OCLN: variants seen among roughly 807,000 people sequenced by gnomAD.
OCLN encodes occludin, also known as phosphatase 1, regulatory subunit 115.
In OCLN, 21 loss-of-function variants were observed where a neutral mutation model predicts 47.9. The observed-to-expected ratio is 0.44, with a 90% CI of 0.31 to 0.63. The LOEUF (loss-of-function observed/expected upper bound fraction) is 0.63, where lower values mean the gene tolerates loss of function less well. OCLN is among the 30% of genes least tolerant of loss of function. The pLI, the probability that OCLN is intolerant of heterozygous loss-of-function variation, is 0.08. For synonymous variants in OCLN, 117 were observed against 198.4 expected, an observed-to-expected ratio of 0.59 and a Z score of 3.45; for missense variants, 360 against 571.0, an observed-to-expected ratio of 0.63 and a Z score of 3.77.
intron 1 of OCLN, among the ~76,000 whole-genome samples, chr5:69,502,021 A>C (rs1272125639): frequency 6.6e-6 from 1 of 152,268 alleles, no homozygotes. Flanking sequence ...AACATGGTGA[A>C]ACCCCATCTT....
chr5:69,536,969 AAAAC>A (rs1160376771), intron 5 of OCLN, among the ~76,000 whole-genome samples: 144 of 147,532 alleles, frequency 9.8e-4, no homozygotes, highest in African/African-American at 3.3e-3. Context: ...CTCCGTCTCA[AAAAC>A]AAACAAACAA....
chr5:69,552,337 A>AT (rs1166737188), intron 8 of OCLN, among the ~76,000 whole-genome samples: 111 of 10,444 alleles, frequency 0.011, 8 homozygotes, highest in South Asian at 0.027. Context: ...TGGTTCATTA[A>AT]TTTTTTTTTT....
chr5:69,509,473 A>C lies in OCLN; in HGVS notation c.383A>C (p.Tyr128Ser), dbSNP rs1440248479. 6.2e-7 allele frequency: 1 copy of C among 1,614,222 alleles called. No individual in the cohort carries two copies. The highest frequency in any genetic ancestry group is 1.7e-5 in the Admixed American group (1 of 60,018). The change falls in exon 3 of 9, where the codon TAC becomes TCC. Residue 128 changes from tyrosine (Y) to serine (S), a missense_variant. Around this residue, in one of 3 missense-constraint regions of OCLN, gnomAD observed 314 missense variants for 368.1 expected, o/e 0.85. Coordinates refer to ENST00000396442, the MANE Select transcript of OCLN (RefSeq NM_001205254.2). ...YGYGYGYGYG[Y>S]GGYTDPRAAK... ...TATGGCTATGGTTATGGCTATGGCT[A>C]CGGAGGCTATACAGACCCAAGAGCA...
At position 69,532,904 on chromosome 5, in the gene OCLN, G is replaced by T. The variant is rs1270704935; in HGVS notation, c.892-1790G>T. On this transcript the variant is annotated intron_variant, in intron 4 of 8. Transcript: ENST00000396442. ...AATCACTTGAACCCAGGAGGCGGAGGTTACAGTGAGCCGAGATCGCACCAC... is the reference window on the plus strand; with the variant it reads ...AATCACTTGAACCCAGGAGGCGGAGTTTACAGTGAGCCGAGATCGCACCAC... Among the ~76,000 whole-genome samples, 3 of 151,596 alleles carry T rather than the reference G, an allele frequency of 2.0e-5. No homozygotes were observed. The East Asian group carries it at 5.8e-4, about 29-fold the overall frequency.
At chr5:69,517,310 A>T (rs1179631308) in intron 4 of OCLN, among the ~76,000 whole-genome samples, 1 of 112,796 alleles carries the variant, frequency 8.9e-6, no homozygotes, top group Non-Finnish European at 1.9e-5. Context: ...ATATATATAT[A>T]TATATTTTTT....
intron 4 of OCLN, among the ~76,000 whole-genome samples, chr5:69,516,651 A>C (rs1768980726): frequency 6.6e-6 from 1 of 152,194 alleles, no homozygotes; most frequent in Non-Finnish European, 1.5e-5. Context: ...TTTCCTTTTA[A>C]AAATATATAC....
Position 69,493,191 on chromosome 5 carries a change from G to A in OCLN, c.-69+291G>A, listed in dbSNP as rs944868605. ...AGCTAGCAGTGCCTCAGCGGCGCGG[G>A]CAACTTTTCACTTTTATGGGGCACG... On this transcript the variant is annotated intron_variant, in intron 1 of 8. Coordinates refer to ENST00000396442, the MANE Select transcript of OCLN (RefSeq NM_001205254.2). The surrounding 1 kb of genome is among the most constrained non-coding windows in gnomAD (Gnocchi z 5.3). Among the ~76,000 whole-genome samples the A allele has an allele frequency of 6.6e-6, 1 of 152,156 alleles. No individual in the cohort carries two copies. Among genetic ancestry groups the A allele is most frequent in the African/African-American group, 2.4e-5 (1 of 41,434 alleles).
intron 4 of OCLN, among the ~76,000 whole-genome samples, chr5:69,519,863 T>C (rs764216637): frequency 6.6e-6 from 1 of 152,246 alleles, no homozygotes; most frequent in Non-Finnish European, 1.5e-5. Flanking sequence ...CCGCCAATAC[T>C]GTTTTCCATC....
At chr5:69,511,156 G>A (rs1768773301) in intron 3 of OCLN, among the ~76,000 whole-genome samples, 1 of 151,378 alleles carries the variant, frequency 6.6e-6, no homozygotes, top group South Asian at 2.1e-4. Flanking sequence ...CTCACTGTGA[G>A]CTACGCCTCC....
chr5:69,514,223 G>T (rs997492792), intron 4 of OCLN, 114 bp downstream of exon 4: 10 of 968,902 alleles, frequency 1.0e-5, no homozygotes, highest in Admixed American at 6.0e-5. Flanking sequence ...ATGTTGCAAA[G>T]GTTGTTGCAT....
At chr5:69,508,403 C>A (rs551171727) in intron 2 of OCLN, among the ~76,000 whole-genome samples, 1 of 151,690 alleles carries the variant, frequency 6.6e-6, no homozygotes. Context: ...TGCAATGGCA[C>A]GATCTCGGCT....
chr5:69,497,318 G>A (rs956877270), intron 1 of OCLN, among the ~76,000 whole-genome samples: 3 of 150,770 alleles, frequency 2.0e-5, no homozygotes, highest in Non-Finnish European at 2.9e-5. Flanking sequence ...TTCTTCTGAC[G>A]TTAAGTTCTC....
At chr5:69,504,369 T>C (rs1159746946) in intron 2 of OCLN, 75 bp downstream of exon 2, 2 of 899,348 alleles carry the variant, frequency 2.2e-6, no homozygotes, top group Non-Finnish European at 1.8e-6. Context: ...GTTGAAACTT[T>C]AAGTGTTTGC....
intron 4 of OCLN, among the ~76,000 whole-genome samples, chr5:69,532,899 C>T (rs868058831): frequency 3.4e-4 from 51 of 151,178 alleles, no homozygotes; most frequent in African/African-American, 1.1e-3. Flanking sequence ...ACCCAGGAGG[C>T]GGAGGTTACA....
At chr5:69,522,734 T>G (rs186717263) in intron 4 of OCLN, among the ~76,000 whole-genome samples, 2 of 151,912 alleles carry the variant, frequency 1.3e-5, no homozygotes, top group African/African-American at 2.4e-5. Context: ...CCCTTTTATT[T>G]TTTTTTTTCT....
intron 1 of OCLN, among the ~76,000 whole-genome samples, chr5:69,494,614 C>T (rs1768241531): frequency 6.6e-6 from 1 of 152,138 alleles, no homozygotes; most frequent in Admixed American, 6.5e-5. Context: ...TTATTAGGGG[C>T]CTCCTTTGTT....
intron 1 of OCLN, among the ~76,000 whole-genome samples, chr5:69,498,752 C>T (rs111630623): frequency 8.6e-5 from 13 of 151,848 alleles, no homozygotes; most frequent in Admixed American, 2.6e-4. Context: ...CAATTTTGGC[C>T]CACTGCAAAC....
chr5:69,493,320 G>A lies in OCLN; in HGVS notation c.-69+420G>A, dbSNP rs1206696090. 6.6e-6 allele frequency among the ~76,000 whole-genome samples: 1 copy of A among 152,118 alleles called. No homozygotes were observed. The highest frequency in any genetic ancestry group is 6.5e-5 in the Admixed American group (1 of 15,272). ...GCGCCCAGCTCCTTGGGGGTCCTAA[G>A]CCTGAGGCTGCAGCGAGGCGGCTGT... On this transcript the variant is annotated intron_variant, in intron 1 of 8. Coordinates refer to ENST00000396442, the MANE Select transcript of OCLN (RefSeq NM_001205254.2). The surrounding 1 kb of genome is among the most constrained non-coding windows in gnomAD (Gnocchi z 5.3).
chr5:69,494,903 C>T lies in OCLN; in HGVS notation c.-69+2003C>T, dbSNP rs182988906. On this transcript the variant is annotated intron_variant, in intron 1 of 8. Coordinates refer to ENST00000396442, the MANE Select transcript of OCLN (RefSeq NM_001205254.2). The stretch of plus-strand genomic sequence containing the variant: ...CTAATATGGGAAGGAGTATCAGAAG[C>T]AGCGGTCCTTGATATTCCAGAACCA... 2.4e-3 allele frequency among the ~76,000 whole-genome samples: 368 copies of T among 152,298 alleles called. 1 individual carries two copies. The highest frequency in any genetic ancestry group is 8.7e-3 in the African/African-American group (361 of 41,568).
Sources: gnomAD v4.1 joint callset for allele counts (sites outside exome capture counted in the v4.1 genomes callset) on GRCh38, gnomAD v4.1.1 for gene constraint, gnomAD v4.1.1 regional missense constraint, Gnocchi (gnomAD v3.1) non-coding constraint, MANE v1.5 for transcripts, NCBI Gene and HGNC (gene_info 2026-07-23, HGNC 2026-07-21) for gene names.